Variants in FBXO34 observed in about 807,000 individuals in gnomAD.
FBXO34 encodes the protein F-box protein 34.
Under a neutral mutation model 24.5 loss-of-function variants are expected in FBXO34, and 12 were observed. The observed-to-expected ratio is 0.49, with a 90% confidence interval of 0.31 to 0.79. FBXO34 has a LOEUF of 0.79. Ranked by LOEUF, FBXO34 falls within the 30% of genes least tolerant of loss-of-function variation. The pLI is 0.04. For synonymous variants in FBXO34, 320 were observed against 311.9 expected, an observed-to-expected ratio of 1.03 and a Z score of -0.27; for missense variants, 823 against 857.7, an observed-to-expected ratio of 0.96 and a Z score of 0.51.
chr14:55,310,054 G>A (rs1882684374), intron 1 of FBXO34, among the ~76,000 whole-genome samples: 1 of 152,142 alleles, frequency 6.6e-6, no homozygotes, highest in Non-Finnish European at 1.5e-5. Flanking sequence ...ACTCAGGATG[G>A]AAAAAGTAAG....
chr14:55,298,908 A>C, intron 1 of FBXO34: 2 of 1,584,460 alleles, frequency 1.3e-6, no homozygotes, highest in Non-Finnish European at 1.7e-6. Context: ...GAATGCCAAC[A>C]CCAATACCGA....
chr14:55,319,819 G>A (rs1377326938), intron 1 of FBXO34, among the ~76,000 whole-genome samples: 1 of 152,160 alleles, frequency 6.6e-6, no homozygotes, highest in East Asian at 1.9e-4. Context: ...GGGACTATGG[G>A]TGCCCGCCAC....
chr14:55,296,391 G>GTTTTTTTTTTTTTTTTTTTTTTT (rs1167344634), intron 1 of FBXO34, among the ~76,000 whole-genome samples: 12 of 64,740 alleles, frequency 1.9e-4, no homozygotes, highest in East Asian at 6.0e-4. Context: ...TGTTTTTTTT[G>GTTTTTTTTTTTTTTTTTTTTTTT]TTTTTTTTTT....
At chr14:55,432,773 A>T in the FBXO34 span, among the ~76,000 whole-genome samples, 3 of 152,224 alleles carry the variant, frequency 2.0e-5, no homozygotes, top group African/African-American at 7.2e-5. Flanking sequence ...TTTGCTTCTT[A>T]TCTTTTAACA....
intron 1 of FBXO34, among the ~76,000 whole-genome samples, chr14:55,318,675 T>C (rs1179023833): frequency 1.3e-5 from 2 of 151,832 alleles, no homozygotes; most frequent in Non-Finnish European, 2.9e-5. Flanking sequence ...TTATCAGTTT[T>C]TTATATTTTT....
intron 1 of FBXO34, among the ~76,000 whole-genome samples, chr14:55,349,166 C>G (rs926302920): frequency 3.9e-5 from 6 of 151,968 alleles, no homozygotes; most frequent in African/African-American, 1.2e-4. Context: ...TGTACATTGA[C>G]AAGTTCATTA....
downstream of FBXO34, among the ~76,000 whole-genome samples, chr14:55,364,417 T>G (rs1332740094): frequency 2.0e-5 from 3 of 151,986 alleles, no homozygotes; most frequent in African/African-American, 4.8e-5. Context: ...GTCCCACTGG[T>G]GGTTTCTGGT....
At chr14:55,371,011 T>C (rs1884804691), downstream of FBXO34, among the ~76,000 whole-genome samples, 1 of 152,138 alleles carries the variant, frequency 6.6e-6, no homozygotes, top group South Asian at 2.1e-4. Flanking sequence ...CCAGGCTGCA[T>C]GTCCTCCCTG....
At chr14:55,356,631 T>TA (rs1443536581), downstream of FBXO34, among the ~76,000 whole-genome samples, 20 of 151,832 alleles carry the variant, frequency 1.3e-4, no homozygotes, top group South Asian at 4.2e-4. Flanking sequence ...TTTTTATTTT[T>TA]TTATTTTTAC....
the FBXO34 span, chr14:55,395,082 C>T: frequency 6.0e-6 from 3 of 503,860 alleles, no homozygotes; most frequent in Non-Finnish European, 1.2e-5. Context: ...CTTTTGTTTG[C>T]ACTTTTTTGT....
intron 1 of FBXO34, among the ~76,000 whole-genome samples, chr14:55,302,692 T>C (rs1282755914): frequency 6.6e-6 from 1 of 152,074 alleles, no homozygotes; most frequent in Non-Finnish European, 1.5e-5. Flanking sequence ...ACTCTGTGGC[T>C]AGAGTAGGCT....
intron 1 of FBXO34, among the ~76,000 whole-genome samples, chr14:55,325,149 ATAT>A (rs1270799897): frequency 1.3e-5 from 2 of 152,150 alleles, no homozygotes; most frequent in African/African-American, 4.8e-5. Context: ...ATAGTGCTGA[ATAT>A]TATTATTTCC....
At chr14:55,321,798 T>C (rs572449211) in intron 1 of FBXO34, among the ~76,000 whole-genome samples, 1 of 152,356 alleles carries the variant, frequency 6.6e-6, no homozygotes, top group East Asian at 1.9e-4. Flanking sequence ...CCTATTTGCC[T>C]CTTATGTCCA....
intron 1 of FBXO34, among the ~76,000 whole-genome samples, chr14:55,320,461 A>G (rs952586257): frequency 2.0e-5 from 3 of 152,160 alleles, no homozygotes; most frequent in Non-Finnish European, 4.4e-5. Context: ...TTTTAAAAAA[A>G]TAAGTTTTGG....
rs530650438 is a variant in FBXO34 at position 55,325,537 on chromosome 14, G to A, written c.-10-24844G>A. On this transcript the variant is annotated intron_variant, in intron 1 of 1. Coordinates refer to ENST00000313833, the MANE Select transcript of FBXO34 (RefSeq NM_017943.4). ...GTTGCCCAGGCTGGAGTGCAATGGC[G>A]CGATCTCGGCTCATCGCAACCTCCG... Among the ~76,000 whole-genome samples the A allele has an allele frequency of 4.6e-5, 7 of 152,014 alleles. No individual in the cohort carries two copies. In the South Asian group the frequency reaches 8.3e-4, roughly 18 times the overall value.
the FBXO34 span, chr14:55,381,945 G>C: frequency 6.3e-7 from 1 of 1,593,326 alleles, no homozygotes; most frequent in Non-Finnish European, 8.6e-7. Flanking sequence ...GATTTCAAAG[G>C]ATATGCTGCT....
the FBXO34 span, among the ~76,000 whole-genome samples, chr14:55,441,128 G>C: frequency 6.6e-6 from 1 of 152,176 alleles, no homozygotes; most frequent in East Asian, 1.9e-4. Context: ...TTACAGGCGT[G>C]AGCCACTGCA....
intron 1 of FBXO34, among the ~76,000 whole-genome samples, chr14:55,293,138 C>T (rs370870690): frequency 6.6e-6 from 1 of 151,244 alleles, no homozygotes; most frequent in African/African-American, 2.4e-5. Flanking sequence ...TCGCCTTGGC[C>T]TCCCAAAGTG....
At chr14:55,307,062 T>C (rs1205617586) in intron 1 of FBXO34, among the ~76,000 whole-genome samples, 1 of 152,254 alleles carries the variant, frequency 6.6e-6, no homozygotes, top group Non-Finnish European at 1.5e-5. Context: ...CTCATGAAAG[T>C]AAGACTGATT....
Sources: allele counts gnomAD v4.1 joint callset (sites outside exome capture counted in the v4.1 genomes callset), GRCh38; gene constraint gnomAD v4.1.1; transcripts MANE v1.5; gene names NCBI Gene and HGNC (gene_info 2026-07-23, HGNC 2026-07-21).